The following ANKRD30B variants were observed in gnomAD, a reference collection of about 807,000 sequenced individuals.
ANKRD30B encodes the protein ankyrin repeat domain 30B, also known as ankyrin repeat domain-containing protein 30B.
In ANKRD30B, 144 loss-of-function variants were observed where a neutral mutation model predicts 202.2. The ratio of observed to expected loss-of-function variants is 0.71; its 90% confidence interval spans 0.62 to 0.82. The LOEUF is 0.82. ANKRD30B is among the 40% of genes least tolerant of loss of function. The probability of loss-of-function intolerance (pLI) is 0.00; values close to 1 mark genes in which losing one functional copy is unlikely to be tolerated. For synonymous variants in ANKRD30B, 508 were observed against 561.3 expected (o/e 0.91, Z 1.34); for missense variants, 1,487 against 1,669.1 (o/e 0.89, Z 1.90).
chr18:14,799,432 G>T, intron 22 of ANKRD30B, 137 bp downstream of exon 22: 1 of 943,302 alleles, frequency 1.1e-6, no homozygotes, highest in Non-Finnish European at 1.5e-6. Flanking sequence ...GGCAACATTA[G>T]TATTCATGTT....
Position 14,806,394 on chromosome 18 carries a change from A to C in ANKRD30B, c.2285-2157A>C, listed in dbSNP as rs972611472. Among the ~76,000 whole-genome samples, 28 of 151,102 alleles carry C rather than the reference A, an allele frequency of 1.9e-4. 1 individual carries two copies. The highest frequency in any genetic ancestry group is 1.4e-3 in the Admixed American group (21 of 15,224). On this transcript the variant is annotated intron_variant, in intron 24 of 43. Transcript: ENST00000690538. ...AGAAATTAAAAGTGAAGTAATTAAA[A>C]TGCAAGGATGCACAGCCATACATTT...
At chr18:14,932,872 A>G in the ANKRD30B span, among the ~76,000 whole-genome samples, 1 of 152,222 alleles carries the variant, frequency 6.6e-6, no homozygotes, top group Non-Finnish European at 1.5e-5. Context: ...ATTCTTAAGA[A>G]CGTATTTGGA....
At chr18:14,833,754 G>T (rs926327582) in intron 34 of ANKRD30B, among the ~76,000 whole-genome samples, 2 of 152,124 alleles carry the variant, frequency 1.3e-5, no homozygotes, top group African/African-American at 4.8e-5. Context: ...TGTATTATTT[G>T]TATTTCATCA....
At chr18:14,922,272 G>T in the ANKRD30B span, among the ~76,000 whole-genome samples, 7 of 152,156 alleles carry the variant, frequency 4.6e-5, no homozygotes, top group East Asian at 1.4e-3. Context: ...CTAGCCAGAG[G>T]GGTATCTCCC....
intron 3 of ANKRD30B, among the ~76,000 whole-genome samples, chr18:14,754,606 C>A (rs9676212): frequency 0.41 from 61,517 of 151,880 alleles, 13,210 homozygotes; most frequent in Non-Finnish European, 0.49. Context: ...ATAAAAGATA[C>A]AGCCCTTGCC....
intron 39 of ANKRD30B, among the ~76,000 whole-genome samples, chr18:14,845,596 C>T (rs1409034925): frequency 2.0e-5 from 3 of 151,540 alleles, no homozygotes; most frequent in African/African-American, 7.3e-5. Flanking sequence ...TTTTATTGAT[C>T]CTCTCAAAGT....
chr18:14,921,564 G>GA, the ANKRD30B span, among the ~76,000 whole-genome samples: 67,225 of 150,878 alleles, frequency 0.45, 15,635 homozygotes, highest in East Asian at 0.58. Flanking sequence ...AGTAAAAAGG[G>GA]AAAAAAAAAT....
In ANKRD30B at chr18:14,748,408, G is replaced by T; in HGVS notation, c.-12G>T. On this transcript the variant is annotated 5_prime_UTR_variant, in exon 1 of 44. Transcript: ENST00000690538. ...GGGAGGCGCGGGCTCTCTCTAGCAGGGGGCTGCAGCCATGAAGAGGCTCTT... is the reference window on the plus strand; with the variant it reads ...GGGAGGCGCGGGCTCTCTCTAGCAGTGGGCTGCAGCCATGAAGAGGCTCTT... The T allele has an allele frequency of 6.8e-7, 1 of 1,467,584 alleles. No individual in the cohort carries two copies. The highest frequency in any genetic ancestry group is 1.4e-5 in the South Asian group (1 of 71,326). 90.9% of individuals were successfully genotyped at this position (1,467,584 alleles called of 1,614,324 possible).
At chr18:14,779,603 A>G (rs568270919) in intron 10 of ANKRD30B, among the ~76,000 whole-genome samples, 1 of 152,344 alleles carries the variant, frequency 6.6e-6, no homozygotes, top group Admixed American at 6.5e-5. Context: ...CTAAAAAATA[A>G]AAACAGAGAG....
intron 32 of ANKRD30B, chr18:14,825,048 T>G (rs1372426849): frequency 6.6e-6 from 1 of 152,212 alleles, no homozygotes; most frequent in Non-Finnish European, 1.5e-5. Flanking sequence ...AATACTTTCA[T>G]ATACTGTTTC....
At chr18:14,815,473 G>T (rs1252928547) in intron 30 of ANKRD30B, among the ~76,000 whole-genome samples, 2 of 152,242 alleles carry the variant, frequency 1.3e-5, no homozygotes, top group East Asian at 1.9e-4. Flanking sequence ...AGTAGCAAGA[G>T]GAGAGGCCTT....
chr18:14,832,100 A>G (rs1346224738), intron 34 of ANKRD30B, among the ~76,000 whole-genome samples: 2 of 152,222 alleles, frequency 1.3e-5, no homozygotes, highest in Admixed American at 1.3e-4. Flanking sequence ...ATGATGGTGC[A>G]TGCCTGTAGT....
intron 12 of ANKRD30B, among the ~76,000 whole-genome samples, chr18:14,782,831 A>G (rs1034793591): frequency 1.3e-5 from 2 of 152,200 alleles, no homozygotes; most frequent in African/African-American, 4.8e-5. Context: ...TGAATCCAAG[A>G]TACTCTAAGA....
intron 11 of ANKRD30B, among the ~76,000 whole-genome samples, chr18:14,782,223 G>A (rs1396838155): frequency 6.6e-6 from 1 of 152,174 alleles, no homozygotes; most frequent in Non-Finnish European, 1.5e-5. Context: ...AGAAGATAAA[G>A]TAAGATATTT....
At chr18:14,884,716 A>C in the ANKRD30B span, among the ~76,000 whole-genome samples, 3 of 152,146 alleles carry the variant, frequency 2.0e-5, no homozygotes, top group African/African-American at 7.2e-5. Context: ...TGGTTCCCTG[A>C]GAAGTGTAGT....
chr18:14,794,743 G>A (rs1968758576), intron 16 of ANKRD30B, among the ~76,000 whole-genome samples: 1 of 152,080 alleles, frequency 6.6e-6, no homozygotes, highest in Non-Finnish European at 1.5e-5. Context: ...TAAATCGCTT[G>A]GACATAAATT....
At chr18:14,891,687 A>C in the ANKRD30B span, among the ~76,000 whole-genome samples, 2 of 152,094 alleles carry the variant, frequency 1.3e-5, no homozygotes, top group Admixed American at 6.5e-5. Context: ...GCTTACAAGC[A>C]CATGAAGGAT....
downstream of ANKRD30B, among the ~76,000 whole-genome samples, chr18:14,858,769 C>T (rs1972139136): frequency 1.5e-5 from 2 of 133,482 alleles, no homozygotes; most frequent in African/African-American, 2.8e-5. Context: ...GGGGGGCAGC[C>T]AGGCAGAGGG....
At chr18:14,885,191 T>C in the ANKRD30B span, among the ~76,000 whole-genome samples, 609 of 152,204 alleles carry the variant, frequency 4.0e-3, 5 homozygotes, top group African/African-American at 0.014. Context: ...ATTTTAGTTA[T>C]CACTCCTATG....
Sources: allele counts gnomAD v4.1 joint callset (sites outside exome capture counted in the v4.1 genomes callset), GRCh38; gene constraint gnomAD v4.1.1; transcripts MANE v1.5; gene names NCBI Gene and HGNC (gene_info 2026-07-23, HGNC 2026-07-21).